The following PLPPR1 variants were observed in gnomAD, a reference collection of about 807,000 sequenced individuals.
PLPPR1 encodes phospholipid phosphatase-related protein type 1.
Under a neutral mutation model 33.1 loss-of-function variants are expected in PLPPR1, and 10 were observed. That is an observed-to-expected ratio of 0.30 (90% CI 0.19 to 0.51). PLPPR1 has a LOEUF of 0.51. PLPPR1 is among the 20% of genes least tolerant of loss of function. PLPPR1 has a pLI of 0.97. For missense variants in PLPPR1, 304 were observed against 408.1 expected (o/e 0.74, Z 2.20); for synonymous variants, 151 against 151.0 (o/e 1.00, Z 0.00).
intron 1 of PLPPR1, among the ~76,000 whole-genome samples, chr9:101,109,202 C>T (rs1374774079): frequency 6.9e-6 from 1 of 144,538 alleles, no homozygotes; most frequent in Non-Finnish European, 1.5e-5. Flanking sequence ...TCTCTATCTC[C>T]TGACGTCACG....
chr9:101,288,734 T>C (rs1427321532), intron 4 of PLPPR1, among the ~76,000 whole-genome samples: 1 of 152,184 alleles, frequency 6.6e-6, no homozygotes, highest in Non-Finnish European at 1.5e-5. Context: ...TCAGAAAATG[T>C]AGGGATTAAG....
chr9:101,212,365 G>T (rs1826706974), intron 2 of PLPPR1, among the ~76,000 whole-genome samples: 1 of 152,060 alleles, frequency 6.6e-6, no homozygotes, highest in Admixed American at 6.6e-5. Flanking sequence ...TTACAGTCAT[G>T]GGCCACCACT....
chr9:101,183,270 A>G (rs1326117699), intron 1 of PLPPR1, among the ~76,000 whole-genome samples: 7 of 151,850 alleles, frequency 4.6e-5, no homozygotes, highest in Admixed American at 3.9e-4. Flanking sequence ...AACAATCTAA[A>G]TGTCTACCAA....
intron 1 of PLPPR1, among the ~76,000 whole-genome samples, chr9:101,146,328 A>T (rs905852039): frequency 6.6e-6 from 1 of 152,200 alleles, no homozygotes. Context: ...ACAGTCTTGA[A>T]TGAAAAAGGG....
At chr9:101,180,121 TATATATATATATATATATATATACACAC>T (rs1341203158) in intron 1 of PLPPR1, among the ~76,000 whole-genome samples, 1,029 of 54,308 alleles carry the variant, frequency 0.019, 40 homozygotes, top group African/African-American at 0.057. Context: ...TATATATATA[TATATATATATATATATATATATACACAC>T]ACACACACAC....
intron 2 of PLPPR1, among the ~76,000 whole-genome samples, chr9:101,208,366 G>A (rs1272038417): frequency 6.6e-6 from 1 of 152,168 alleles, no homozygotes; most frequent in Non-Finnish European, 1.5e-5. Flanking sequence ...GCATTTGTCA[G>A]TGATGGAAAA....
chr9:101,229,521 C>A (rs996948439), intron 2 of PLPPR1, among the ~76,000 whole-genome samples: 4 of 152,018 alleles, frequency 2.6e-5, no homozygotes, highest in Admixed American at 6.6e-5. Context: ...GTATTTCCTT[C>A]TAATATTTTC....
intron 1 of PLPPR1, among the ~76,000 whole-genome samples, chr9:101,158,181 A>G (rs1033684547): frequency 6.6e-6 from 1 of 152,154 alleles, no homozygotes; most frequent in Non-Finnish European, 1.5e-5. Flanking sequence ...CAATAGAGAA[A>G]TGGTAAAGAA....
At chr9:101,156,214 G>T (rs181988897) in intron 1 of PLPPR1, among the ~76,000 whole-genome samples, 4 of 152,212 alleles carry the variant, frequency 2.6e-5, no homozygotes, top group African/African-American at 9.6e-5. Context: ...CATGGGTTCC[G>T]AGTTTGTTGT....
chr9:101,182,053 T>C (rs1441904667), intron 1 of PLPPR1, among the ~76,000 whole-genome samples: 2 of 151,410 alleles, frequency 1.3e-5, no homozygotes, highest in East Asian at 3.9e-4. Flanking sequence ...ATATGTAGTA[T>C]TGTAATGGAA....
chr9:101,114,540 C>T lies in PLPPR1; in HGVS notation c.-45-70910C>T, dbSNP rs1029352432. 4.6e-5 allele frequency among the ~76,000 whole-genome samples: 7 copies of T among 152,318 alleles called. 1 individual carries two copies. In the South Asian group the frequency reaches 1.5e-3, roughly 32 times the overall value. ...AGAGAGGTAGGAGTATCAGACCTCACTCTCCTTTCTTCCTGTCTCCTGCCA... is the reference window on the plus strand; with the variant it reads ...AGAGAGGTAGGAGTATCAGACCTCATTCTCCTTTCTTCCTGTCTCCTGCCA... On this transcript the variant is annotated intron_variant, in intron 1 of 7. Coordinates refer to ENST00000374874, the MANE Select transcript of PLPPR1 (RefSeq NM_207299.2).
In PLPPR1 at chr9:101,259,260, G is replaced by A. The variant is rs573802464; in HGVS notation, c.64-10620G>A. On this transcript the variant is annotated intron_variant, in intron 2 of 7. Coordinates refer to ENST00000374874, the MANE Select transcript of PLPPR1 (RefSeq NM_207299.2). ...AGAGAGGTAGACCTATGTATTCTCC[G>A]CTAACTAAGAGGCCATGCCTGATGG... Among the ~76,000 whole-genome samples, 58 of 152,196 alleles carry A rather than the reference G, an allele frequency of 3.8e-4. 1 individual carries two copies. In the South Asian group the frequency reaches 0.011, roughly 30 times the overall value.
intron 1 of PLPPR1, among the ~76,000 whole-genome samples, chr9:101,087,517 C>T (rs1830693490): frequency 6.6e-6 from 1 of 152,194 alleles, no homozygotes; most frequent in Non-Finnish European, 1.5e-5. Flanking sequence ...AGGATAAATA[C>T]TTGGCTTGCT....
chr9:101,181,897 T>C (rs1477907975), intron 1 of PLPPR1, among the ~76,000 whole-genome samples: 1 of 149,998 alleles, frequency 6.7e-6, no homozygotes, highest in African/African-American at 2.4e-5. Context: ...CACATACTTA[T>C]ATACACATAT....
intron 1 of PLPPR1, among the ~76,000 whole-genome samples, chr9:101,031,147 G>A (rs1829940343): frequency 6.6e-6 from 1 of 152,136 alleles, no homozygotes; most frequent in Non-Finnish European, 1.5e-5. Context: ...GTCAGCATAT[G>A]TCCTTTTTAT....
chr9:101,149,891 C>G (rs1217412360), intron 1 of PLPPR1, among the ~76,000 whole-genome samples: 3 of 151,916 alleles, frequency 2.0e-5, no homozygotes, highest in Non-Finnish European at 2.9e-5. Context: ...TCCATTTTTT[C>G]TGTTCTCTTT....
intron 1 of PLPPR1, among the ~76,000 whole-genome samples, chr9:101,080,545 A>G (rs1223575109): frequency 1.3e-5 from 2 of 152,108 alleles, no homozygotes; most frequent in South Asian, 2.1e-4. Context: ...ACAAAAACAA[A>G]CAAACAAGCA....
chr9:101,112,600 C>G (rs1831070006), intron 1 of PLPPR1, among the ~76,000 whole-genome samples: 1 of 152,290 alleles, frequency 6.6e-6, no homozygotes, highest in Non-Finnish European at 1.5e-5. Context: ...CATGCAGAAC[C>G]CCCACATGAC....
intron 1 of PLPPR1, among the ~76,000 whole-genome samples, chr9:101,117,558 A>C (rs1831130909): frequency 6.6e-6 from 1 of 152,196 alleles, no homozygotes; most frequent in Non-Finnish European, 1.5e-5. Context: ...TAATAAAGAA[A>C]TAACCATAAA....
Sources: gnomAD v4.1 joint callset for allele counts (sites outside exome capture counted in the v4.1 genomes callset) on GRCh38, gnomAD v4.1.1 for gene constraint, MANE v1.5 for transcripts, NCBI Gene and HGNC (gene_info 2026-07-23, HGNC 2026-07-21) for gene names.